The following FRMD4B variants were observed in gnomAD, a reference collection of about 807,000 sequenced individuals.
FRMD4B encodes the protein FERM domain-containing protein 4B.
In FRMD4B, 74 loss-of-function variants were observed where a neutral mutation model predicts 141.5. The ratio of observed to expected loss-of-function variants is 0.52; its 90% CI spans 0.43 to 0.63. FRMD4B has a LOEUF of 0.63. FRMD4B is among the 30% of genes least tolerant of loss of function. The pLI, the probability that FRMD4B is intolerant of heterozygous loss-of-function variation, is 0.00. For synonymous variants in FRMD4B, 506 were observed against 467.9 expected, an observed-to-expected ratio of 1.08 and a Z score of -1.05; for missense variants, 1,366 against 1,253.4, an observed-to-expected ratio of 1.09 and a Z score of -1.36.
upstream of FRMD4B, chr3:69,386,131 C>G (rs1323348827): frequency 3.9e-6 from 3 of 765,362 alleles, no homozygotes; most frequent in African/African-American, 3.6e-5. Flanking sequence ...CGTCTTTCAC[C>G]GTGCGTCCTG....
At chr3:69,293,832 G>C (rs1216255148) in intron 4 of FRMD4B, among the ~76,000 whole-genome samples, 1 of 124,914 alleles carries the variant, frequency 8.0e-6, no homozygotes, top group Admixed American at 1.1e-4. Flanking sequence ...AGTGAGTTGA[G>C]ATCCTGCCAC....
At chr3:69,221,829 T>C in intron 9 of FRMD4B, 29 bp downstream of exon 9, 3 of 1,207,156 alleles carry the variant, frequency 2.5e-6, no homozygotes, top group Non-Finnish European at 2.4e-6. Flanking sequence ...ATATTAAAAT[T>C]ATATCTAAGC....
Position 69,503,251 on chromosome 3 carries a change from C to A in FRMD4B, c.-129+38955G>T, listed in dbSNP as rs1706532632. ...ATATGCACACCTATGTTTATTGCAG[C>A]ACTATTCACAATAGCAAAGACTTGG... On this transcript the variant is annotated intron_variant, in intron 1 of 5. Coordinates refer to the FRMD4B transcript ENST00000459638. Among the ~76,000 whole-genome samples the A allele has an allele frequency of 2.0e-5, 3 of 152,064 alleles. No individual in the cohort carries two copies. The South Asian group carries it at 6.2e-4, about 32-fold the overall frequency.
At chr3:69,307,494 C>T (rs532815588) in intron 3 of FRMD4B, among the ~76,000 whole-genome samples, 9 of 152,172 alleles carry the variant, frequency 5.9e-5, no homozygotes, top group African/African-American at 2.2e-4. Flanking sequence ...GCGCCCACCA[C>T]CACGCCCAGC....
chr3:69,245,548 T>C (rs1275565226), intron 7 of FRMD4B, among the ~76,000 whole-genome samples: 2 of 152,184 alleles, frequency 1.3e-5, no homozygotes, highest in Non-Finnish European at 2.9e-5. Context: ...GGTTTTGCCA[T>C]GTTGGCCAGG....
intron 1 of FRMD4B, among the ~76,000 whole-genome samples, chr3:69,355,997 C>T (rs1703308034): frequency 6.6e-6 from 1 of 151,740 alleles, no homozygotes; most frequent in South Asian, 2.1e-4. Flanking sequence ...TGCACTCCAG[C>T]CTGGGTGACA....
intron 1 of FRMD4B, among the ~76,000 whole-genome samples, chr3:69,347,344 G>A (rs565281084): frequency 1.3e-5 from 2 of 152,270 alleles, no homozygotes; most frequent in South Asian, 4.1e-4. Context: ...AGTCCTTAGA[G>A]ACCTAGAAAG....
rs544524323 is a variant in FRMD4B, at chr3:69,285,938, C to T, written c.501+1814G>A. 3.3e-5 allele frequency among the ~76,000 whole-genome samples: 5 copies of T among 152,078 alleles called. No homozygotes were observed. The East Asian group carries it at 9.7e-4, about 29-fold the overall frequency. On this transcript the variant is annotated intron_variant, in intron 5 of 22. Transcript: ENST00000398540. ...GAAAAAGATATTCCATACAGAAACA[C>T]AAAGATAAAGATGACAGCAGACTTC...
intron 2 of FRMD4B, among the ~76,000 whole-genome samples, chr3:69,401,708 C>G (rs114326603): frequency 0.023 from 3,498 of 152,186 alleles, 148 homozygotes; most frequent in African/African-American, 0.081. Flanking sequence ...CACCACCACA[C>G]CCCAAAATTT....
At chr3:69,172,010 C>T (rs368186652) in intron 22 of FRMD4B, 29 bp from the exon 23 acceptor site, 6 of 1,609,776 alleles carry the variant, frequency 3.7e-6, no homozygotes, top group African/African-American at 1.3e-5. Context: ...AAAGTTACTA[C>T]TTGTGGCCAT....
chr3:69,400,701 T>C (rs1704549556), intron 2 of FRMD4B, among the ~76,000 whole-genome samples: 1 of 152,218 alleles, frequency 6.6e-6, no homozygotes, highest in African/African-American at 2.4e-5. Flanking sequence ...TGACTTACCT[T>C]ACTCTTAATT....
intron 7 of FRMD4B, among the ~76,000 whole-genome samples, chr3:69,230,133 G>A (rs961812084): frequency 2.0e-5 from 3 of 151,852 alleles, no homozygotes; most frequent in Admixed American, 1.3e-4. Flanking sequence ...CCTCCGCCAC[G>A]CCTGGCTAAT....
intron 1 of FRMD4B, among the ~76,000 whole-genome samples, chr3:69,442,978 T>C (rs750039952): frequency 9.9e-5 from 15 of 152,186 alleles, no homozygotes; most frequent in Non-Finnish European, 1.9e-4. Context: ...TTCGGAGTGA[T>C]TGGGGTGAGA....
At position 69,218,929 on chromosome 3, in the gene FRMD4B, G is replaced by A. The variant is rs1035364465; in HGVS notation, c.732-550C>T. On this transcript the variant is annotated intron_variant, in intron 9 of 22. Coordinates refer to ENST00000398540, the MANE Select transcript of FRMD4B (RefSeq NM_015123.3). ...TGTAATCCCAGCACTTTGGGAGGCC[G>A]AGGCGGGTGAATCACCTGAGGTCAG... 5.3e-5 allele frequency among the ~76,000 whole-genome samples: 8 copies of A among 152,128 alleles called. 1 individual carries two copies. Among genetic ancestry groups the A allele is most frequent in the Admixed American group, 3.3e-4 (5 of 15,260 alleles).
At chr3:69,403,970 C>T (rs1286448285) in intron 2 of FRMD4B, among the ~76,000 whole-genome samples, 2 of 152,152 alleles carry the variant, frequency 1.3e-5, no homozygotes, top group African/African-American at 4.8e-5. Flanking sequence ...CACAATTATG[C>T]TCACAGCCTT....
At chr3:69,267,530 A>T (rs1000409359) in intron 5 of FRMD4B, among the ~76,000 whole-genome samples, 1 of 150,790 alleles carries the variant, frequency 6.6e-6, no homozygotes, top group Non-Finnish European at 1.5e-5. Flanking sequence ...CACACCCAGC[A>T]CCTATATAGG....
chr3:69,375,234 C>G (rs1042418374), intron 1 of FRMD4B, among the ~76,000 whole-genome samples: 2 of 85,992 alleles, frequency 2.3e-5, no homozygotes, highest in African/African-American at 7.6e-5. Context: ...TCCATCCATC[C>G]ACCCCATCCC....
intron 5 of FRMD4B, among the ~76,000 whole-genome samples, chr3:69,260,746 T>C (rs931463358): frequency 2.6e-5 from 4 of 152,368 alleles, no homozygotes; most frequent in Middle Eastern, 3.4e-3. Flanking sequence ...AGAACTTTTA[T>C]GTCTAGCTGG....
intron 12 of FRMD4B, 159 bp downstream of exon 12, chr3:69,198,539 G>A: frequency 3.3e-6 from 2 of 608,218 alleles, no homozygotes; most frequent in Non-Finnish European, 5.9e-6. Flanking sequence ...TCCTCAGAGG[G>A]TTAAAGATAG....
Sources: allele counts gnomAD v4.1 joint callset (sites outside exome capture counted in the v4.1 genomes callset), GRCh38; gene constraint gnomAD v4.1.1; transcripts MANE v1.5; gene names NCBI Gene and HGNC (gene_info 2026-07-23, HGNC 2026-07-21).